The following OR1B1 variants were observed in gnomAD, a reference collection of about 807,000 sequenced individuals.
OR1B1 encodes the protein olfactory receptor 1B1.
For missense variants in OR1B1, 414 were observed against 402.1 expected (o/e 1.03, Z -0.25); for synonymous variants, 168 against 156.2 (o/e 1.08, Z -0.57).
At chr9:122,639,995 G>A in the OR1B1 span, among the ~76,000 whole-genome samples, 2 of 152,084 alleles carry the variant, frequency 1.3e-5, no homozygotes, top group Non-Finnish European at 2.9e-5. Flanking sequence ...CTGCGGTTCT[G>A]TGAGGCAGGT....
At chr9:122,652,981 A>T in the OR1B1 span, among the ~76,000 whole-genome samples, 1 of 152,154 alleles carries the variant, frequency 6.6e-6, no homozygotes, top group East Asian at 1.9e-4. Context: ...TGTGGGATCC[A>T]CCTGGAGTCC....
At chr9:122,646,073 CA>C in the OR1B1 span, among the ~76,000 whole-genome samples, 1 of 151,986 alleles carries the variant, frequency 6.6e-6, no homozygotes, top group Non-Finnish European at 1.5e-5. Context: ...AGTTTTTATT[CA>C]TTTGCTTTTT....
At chr9:122,650,110 G>C in the OR1B1 span, among the ~76,000 whole-genome samples, 1 of 152,156 alleles carries the variant, frequency 6.6e-6, no homozygotes, top group Non-Finnish European at 1.5e-5. Flanking sequence ...GGACATGGAT[G>C]AAGCTGGAAA....
the OR1B1 span, among the ~76,000 whole-genome samples, chr9:122,639,244 T>G: frequency 6.6e-6 from 1 of 152,144 alleles, no homozygotes; most frequent in African/African-American, 2.4e-5. Context: ...TTTTGATACA[T>G]CTATAGATAT....
exon 1 of OR1B1, chr9:122,628,728 A>T (rs1216167919): frequency 1.2e-6 from 2 of 1,614,076 alleles, no homozygotes. Context: ...GAGTTCTGGA[A>T]GGGAGGCTGG....
the OR1B1 span, among the ~76,000 whole-genome samples, chr9:122,655,167 A>G: frequency 6.6e-6 from 1 of 152,156 alleles, no homozygotes; most frequent in Non-Finnish European, 1.5e-5. Flanking sequence ...TCAAAGCACT[A>G]AAACAACTTT....
At chr9:122,629,321 T>C (rs748649064) in exon 1 of OR1B1, 1 of 1,613,962 alleles carries the variant, frequency 6.2e-7, no homozygotes, top group South Asian at 1.1e-5. Flanking sequence ...TAGCCCCATG[T>C]CTATCACAGA....
chr9:122,633,039 C>T (rs989982993), upstream of OR1B1, among the ~76,000 whole-genome samples: 1 of 152,092 alleles, frequency 6.6e-6, no homozygotes, highest in African/African-American at 2.4e-5. Context: ...TCTCATGAGA[C>T]TTATTTACAA....
At chr9:122,630,798 C>T (rs1221019411), upstream of OR1B1, among the ~76,000 whole-genome samples, 7 of 151,724 alleles carry the variant, frequency 4.6e-5, no homozygotes, top group African/African-American at 1.7e-4. Context: ...ACCTCTGCCT[C>T]CCAGGGTCAA....
At chr9:122,639,352 A>T in the OR1B1 span, among the ~76,000 whole-genome samples, 1 of 152,182 alleles carries the variant, frequency 6.6e-6, no homozygotes, top group Non-Finnish European at 1.5e-5. Flanking sequence ...AGATCTCAGC[A>T]TCATATTACT....
the OR1B1 span, among the ~76,000 whole-genome samples, chr9:122,647,719 C>T: frequency 1.3e-5 from 2 of 152,148 alleles, no homozygotes; most frequent in Non-Finnish European, 2.9e-5. Flanking sequence ...CTGTGTGTAA[C>T]TCAATCCCCA....
At chr9:122,628,690 T>A (rs768786194) in exon 1 of OR1B1, 2 of 1,613,770 alleles carry the variant, frequency 1.2e-6, no homozygotes, top group Non-Finnish European at 1.7e-6. Context: ...CAGTATACAT[T>A]ACTGAAGCCA....
At chr9:122,651,712 T>A in the OR1B1 span, among the ~76,000 whole-genome samples, 2 of 152,222 alleles carry the variant, frequency 1.3e-5, no homozygotes, top group Non-Finnish European at 2.9e-5. Context: ...GTTTCCTAGT[T>A]TGTACATTCC....
the OR1B1 span, among the ~76,000 whole-genome samples, chr9:122,642,476 G>A: frequency 2.6e-5 from 4 of 152,134 alleles, no homozygotes; most frequent in Non-Finnish European, 5.9e-5. Context: ...GTGAGGCTAG[G>A]TGAGATTTAG....
the OR1B1 span, among the ~76,000 whole-genome samples, chr9:122,638,367 T>G: frequency 3.9e-5 from 6 of 152,314 alleles, no homozygotes; most frequent in Non-Finnish European, 8.8e-5. Context: ...CTATGTATTT[T>G]TCTATACTGT....
the OR1B1 span, among the ~76,000 whole-genome samples, chr9:122,649,277 A>C: frequency 2.6e-5 from 4 of 152,180 alleles, no homozygotes; most frequent in Non-Finnish European, 4.4e-5. Context: ...ACTTAAAGGT[A>C]AGACCTAAAA....
At chr9:122,640,296 C>T in the OR1B1 span, among the ~76,000 whole-genome samples, 2 of 152,066 alleles carry the variant, frequency 1.3e-5, no homozygotes, top group African/African-American at 4.8e-5. Context: ...TCCTTACTTC[C>T]TCTCCCATTC....
At chr9:122,656,338 G>A in the OR1B1 span, among the ~76,000 whole-genome samples, 1 of 152,320 alleles carries the variant, frequency 6.6e-6, no homozygotes, top group Admixed American at 6.5e-5. Context: ...AAGTCCATGT[G>A]TTGGGAGCTT....
rs374643352 is a variant in OR1B1 at position 122,629,043 on chromosome 9, C to T, written c.493G>A (p.Val165Ile). ...TCCCCAGTCCAGCAAAGAGGCAGGA[C>T]GAGTCCCACACGCAACATGGTGTGC... Residue 165 changes from valine (V) to isoleucine (I), a missense_variant, in exon 1 of 1, where the codon GTC becomes ATC. Coordinates refer to ENST00000623530, the Ensembl canonical transcript of OR1B1. 254 of 1,613,888 alleles carry T rather than the reference C, an allele frequency of 1.6e-4. No individual in the cohort carries two copies. Among genetic ancestry groups the T allele is most frequent in the Non-Finnish European group, 1.9e-4 (224 of 1,180,002 alleles).
Sources: allele counts gnomAD v4.1 joint callset (sites outside exome capture counted in the v4.1 genomes callset), GRCh38; gene constraint gnomAD v4.1.1; transcripts MANE v1.5; gene names NCBI Gene and HGNC (gene_info 2026-07-23, HGNC 2026-07-21).